Variants in KALRN observed in about 807,000 individuals in gnomAD.
KALRN encodes the protein kalirin RhoGEF kinase, also known as kalirin.
KALRN carries 70 observed loss-of-function variants against 353.7 expected under a neutral mutation model. That is an observed-to-expected ratio of 0.20 (90% CI 0.16 to 0.24). The LOEUF (loss-of-function observed/expected upper bound fraction) is 0.24, where lower values mean the gene tolerates loss of function less well. KALRN is among the 10% of genes least tolerant of loss of function. The pLI is 1.00. For synonymous variants in KALRN, 1,391 were observed against 1,434.8 expected, an observed-to-expected ratio of 0.97 and a Z score of 0.69; for missense variants, 2,791 against 3,756.7, an observed-to-expected ratio of 0.74 and a Z score of 6.72.
At chr3:124,116,769 C>G (rs900993118) in intron 1 of KALRN, among the ~76,000 whole-genome samples, 2 of 152,124 alleles carry the variant, frequency 1.3e-5, no homozygotes, top group African/African-American at 2.4e-5. Flanking sequence ...ATAAATAGGA[C>G]AATTATAACA....
chr3:124,178,894 C>T (rs1443148093), intron 1 of KALRN, among the ~76,000 whole-genome samples: 1 of 152,128 alleles, frequency 6.6e-6, no homozygotes, highest in Non-Finnish European at 1.5e-5. Context: ...CGCTTGAGGC[C>T]AGGAGTTTCA....
intron 1 of KALRN, among the ~76,000 whole-genome samples, chr3:124,118,326 G>T (rs574292897): frequency 2.6e-5 from 4 of 152,262 alleles, no homozygotes; most frequent in East Asian, 3.9e-4. Context: ...GCCGATGGGG[G>T]TGTGTGGCTT....
intron 34 of KALRN, among the ~76,000 whole-genome samples, chr3:124,593,567 T>G (rs917001942): frequency 3.3e-5 from 5 of 152,126 alleles, no homozygotes; most frequent in African/African-American, 1.2e-4. Flanking sequence ...TTTGTTCTTT[T>G]CTCTCTTTTC....
At chr3:124,617,913 A>C (rs2078799760) in intron 34 of KALRN, among the ~76,000 whole-genome samples, 1 of 152,092 alleles carries the variant, frequency 6.6e-6, no homozygotes, top group African/African-American at 2.4e-5. Flanking sequence ...TGAAGTTTTG[A>C]ATGTGATTTG....
intron 17 of KALRN, 50 bp downstream of exon 17, chr3:124,434,575 A>G: frequency 6.4e-7 from 1 of 1,567,644 alleles, no homozygotes; most frequent in African/African-American, 1.3e-5. Context: ...CCAGGGGGCC[A>G]TTTTCTGCCT....
intron 1 of KALRN, among the ~76,000 whole-genome samples, chr3:124,151,427 C>T (rs529161850): frequency 6.6e-6 from 1 of 152,304 alleles, no homozygotes; most frequent in African/African-American, 2.4e-5. Flanking sequence ...TTGTTTTTTG[C>T]ATTTCCTTGA....
chr3:124,447,216 T>G (rs2093869903), intron 21 of KALRN, among the ~76,000 whole-genome samples: 1 of 152,204 alleles, frequency 6.6e-6, no homozygotes, highest in Non-Finnish European at 1.5e-5. Flanking sequence ...AAATGTCACA[T>G]GTGCATGTGA....
intron 1 of KALRN, chr3:124,163,841 G>C: frequency 2.0e-6 from 2 of 985,382 alleles, no homozygotes; most frequent in Non-Finnish European, 2.4e-6. Flanking sequence ...TTAATGCCTG[G>C]ATATTTGCTT....
At chr3:124,060,303 G>T (rs1051749605) in intron 1 of KALRN, among the ~76,000 whole-genome samples, 2 of 152,286 alleles carry the variant, frequency 1.3e-5, no homozygotes, top group East Asian at 1.9e-4. Context: ...TCTGTAATTT[G>T]CTGGGCCCAG....
chr3:124,599,222 G>A (rs551355660), intron 34 of KALRN, among the ~76,000 whole-genome samples: 6 of 152,202 alleles, frequency 3.9e-5, no homozygotes, highest in Non-Finnish European at 8.8e-5. Flanking sequence ...AGGTAGGGAA[G>A]TAGAGTAAAA....
At chr3:124,163,985 G>T in intron 1 of KALRN, 3 of 985,442 alleles carry the variant, frequency 3.0e-6, no homozygotes, top group Non-Finnish European at 3.6e-6. Context: ...GTCATTCAGA[G>T]TAGCAAGAAG....
intron 1 of KALRN, among the ~76,000 whole-genome samples, chr3:124,186,408 A>G (rs1371799089): frequency 6.6e-6 from 1 of 152,194 alleles, no homozygotes; most frequent in Non-Finnish European, 1.5e-5. Flanking sequence ...AGCAAACTCC[A>G]TGGGGTTGTA....
chr3:124,278,134 CCCTAGG>C (rs1224954537), intron 5 of KALRN, among the ~76,000 whole-genome samples: 1 of 151,464 alleles, frequency 6.6e-6, no homozygotes, highest in Non-Finnish European at 1.5e-5. Context: ...TCTACTCTTA[CCCTAGG>C]CCTTGGATGG....
chr3:124,619,878 T>C (rs1254218966), intron 34 of KALRN, among the ~76,000 whole-genome samples: 1 of 152,198 alleles, frequency 6.6e-6, no homozygotes, highest in Non-Finnish European at 1.5e-5. Flanking sequence ...TGTGCTAGGG[T>C]TCCCTTTTCT....
At chr3:124,158,343 T>G (rs57406799) in intron 1 of KALRN, among the ~76,000 whole-genome samples, 3,137 of 152,282 alleles carry the variant, frequency 0.021, 95 homozygotes, top group African/African-American at 0.072. Flanking sequence ...GAGATGATAA[T>G]TGCTTATCTG....
intron 11 of KALRN, among the ~76,000 whole-genome samples, chr3:124,392,780 TTTTTTTTTA>T (rs1346156320): frequency 8.4e-5 from 12 of 143,362 alleles, no homozygotes; most frequent in African/African-American, 3.0e-4. Flanking sequence ...AATTTTTGTA[TTTTTTTTTA>T]TTTTTTTTTT....
intron 1 of KALRN, among the ~76,000 whole-genome samples, chr3:124,052,047 C>G (rs541562629): frequency 8.4e-4 from 128 of 152,294 alleles, no homozygotes; most frequent in African/African-American, 2.8e-3. Context: ...CAGGGAAGCC[C>G]AGGGGCATAG....
Position 124,550,597 on chromosome 3 carries a change from AG to A in KALRN, c.4936-12245del, listed in dbSNP as rs2070361677. Reference sequence around the variant, plus strand: ...AGGAACCCAAGCACGTGTTTCCTTTAGAAAAGCCTAGCTTTTGCTTCCCTCT... The same window carrying A: ...AGGAACCCAAGCACGTGTTTCCTTTAAAAAGCCTAGCTTTTGCTTCCCTCT... On this transcript the variant is annotated intron_variant, in intron 33 of 59. Coordinates refer to ENST00000682506, the MANE Select transcript of KALRN (RefSeq NM_001388419.1). Among the ~76,000 whole-genome samples, 5 of 152,262 alleles carry A rather than the reference AG, an allele frequency of 3.3e-5. No homozygotes were observed. In the East Asian group the frequency reaches 9.6e-4, roughly 29 times the overall value.
At chr3:124,268,504 G>A (rs1220877439) in intron 4 of KALRN, 5 of 545,204 alleles carry the variant, frequency 9.2e-6, no homozygotes, top group Non-Finnish European at 1.6e-5. Context: ...GTTCTTCTGG[G>A]GTGGTAAATG....
Sources: allele counts gnomAD v4.1 joint callset (sites outside exome capture counted in the v4.1 genomes callset), GRCh38; gene constraint gnomAD v4.1.1; transcripts MANE v1.5; gene names NCBI Gene and HGNC (gene_info 2026-07-23, HGNC 2026-07-21).